Variants in WASL observed in about 807,000 individuals in gnomAD.
WASL encodes the protein WASP like actin nucleation promoting factor.
Under a neutral mutation model 55.5 loss-of-function variants are expected in WASL, and 20 were observed. The ratio of observed to expected loss-of-function variants is 0.36; its 90% CI spans 0.25 to 0.52. The LOEUF is 0.52. Among genes scored for constraint, WASL ranks in the 20% least tolerant of loss-of-function variants. The probability of loss-of-function intolerance (pLI) is 0.92; values close to 1 mark genes in which losing one functional copy is unlikely to be tolerated. For missense variants in WASL, 504 were observed against 622.5 expected (o/e 0.81, Z 2.03); for synonymous variants, 249 against 217.6 (o/e 1.14, Z -1.27).
intron 2 of WASL, among the ~76,000 whole-genome samples, chr7:123,707,796 T>C (rs1417372036): frequency 6.6e-6 from 1 of 152,184 alleles, no homozygotes; most frequent in African/African-American, 2.4e-5. Flanking sequence ...CCAGAATCAC[T>C]GCCATAGTTA....
At chr7:123,747,643 C>T (rs958993471) in intron 1 of WASL, among the ~76,000 whole-genome samples, 25 of 152,120 alleles carry the variant, frequency 1.6e-4, no homozygotes, top group Non-Finnish European at 2.9e-5. Context: ...TCTGCAGGTG[C>T]TAGCAAAGTG....
At chr7:123,700,889 T>C (rs1803578615) in intron 5 of WASL, among the ~76,000 whole-genome samples, 1 of 152,222 alleles carries the variant, frequency 6.6e-6, no homozygotes, top group Non-Finnish European at 1.5e-5. Context: ...AACAAATATT[T>C]ACTAACAACT....
At chr7:123,748,045 A>G (rs1162321146) in intron 1 of WASL, among the ~76,000 whole-genome samples, 1 of 151,866 alleles carries the variant, frequency 6.6e-6, no homozygotes, top group Non-Finnish European at 1.5e-5. Flanking sequence ...TAGAGAAATA[A>G]ATCTTGTTTC....
intron 5 of WASL, among the ~76,000 whole-genome samples, chr7:123,700,267 T>C (rs892984376): frequency 1.3e-5 from 2 of 149,218 alleles, no homozygotes; most frequent in Non-Finnish European, 3.0e-5. Flanking sequence ...TATAGAAAAT[T>C]AGTATTAGAT....
chr7:123,746,693 T>C (rs920838084), intron 1 of WASL, among the ~76,000 whole-genome samples: 1 of 152,248 alleles, frequency 6.6e-6, no homozygotes, highest in East Asian at 1.9e-4. Flanking sequence ...AAGCACTGAA[T>C]ACTGAGAGCC....
intron 9 of WASL, among the ~76,000 whole-genome samples, chr7:123,692,127 G>C (rs1213723946): frequency 6.6e-6 from 1 of 152,048 alleles, no homozygotes; most frequent in Non-Finnish European, 1.5e-5. Flanking sequence ...CCTACATTTG[G>C]ATATAGAGAT....
At chr7:123,730,024 T>A (rs76498261) in intron 1 of WASL, among the ~76,000 whole-genome samples, 4 of 152,224 alleles carry the variant, frequency 2.6e-5, no homozygotes, top group Non-Finnish European at 5.9e-5. Flanking sequence ...TCAGAAATCA[T>A]GCAAACAAGG....
intron 1 of WASL, among the ~76,000 whole-genome samples, chr7:123,748,417 G>C (rs1201251910): frequency 6.6e-6 from 1 of 151,908 alleles, no homozygotes; most frequent in Non-Finnish European, 1.5e-5. Flanking sequence ...CCAGCAGCTC[G>C]GGAAGGCGGC....
intron 9 of WASL, among the ~76,000 whole-genome samples, chr7:123,690,627 GGAAA>G (rs1803394720): frequency 1.7e-5 from 1 of 57,246 alleles, no homozygotes; most frequent in African/African-American, 5.6e-5. Flanking sequence ...TTTTTTTTTT[GGAAA>G]GAAAGGGAGA....
intron 2 of WASL, among the ~76,000 whole-genome samples, chr7:123,707,044 A>G (rs112117159): frequency 3.9e-5 from 6 of 152,298 alleles, no homozygotes; most frequent in African/African-American, 9.6e-5. Flanking sequence ...TAAAACCTAC[A>G]TATCAAGTCA....
chr7:123,744,074 T>C (rs1325327696), intron 1 of WASL, among the ~76,000 whole-genome samples: 1 of 152,226 alleles, frequency 6.6e-6, no homozygotes, highest in African/African-American at 2.4e-5. Flanking sequence ...CCACCAACAG[T>C]GCCTTACTCA....
intron 2 of WASL, 74 bp downstream of exon 2, chr7:123,709,015 A>G: frequency 7.2e-7 from 1 of 1,383,380 alleles, no homozygotes; most frequent in Non-Finnish European, 9.6e-7. Context: ...TAGGATAAAC[A>G]AATCTAAACT....
chr7:123,735,867 A>G (rs577883875), intron 1 of WASL, among the ~76,000 whole-genome samples: 2 of 152,284 alleles, frequency 1.3e-5, no homozygotes, highest in South Asian at 4.1e-4. Context: ...GGCCAGGGAA[A>G]GAGAAGTAGA....
chr7:123,717,131 T>C (rs1038614363), intron 1 of WASL, among the ~76,000 whole-genome samples: 1 of 151,272 alleles, frequency 6.6e-6, no homozygotes, highest in African/African-American at 2.4e-5. Flanking sequence ...GCAGGGAAAA[T>C]GGCAGGGAGG....
intron 1 of WASL, among the ~76,000 whole-genome samples, chr7:123,726,400 C>T (rs1295889743): frequency 6.6e-6 from 1 of 152,112 alleles, no homozygotes; most frequent in Non-Finnish European, 1.5e-5. Flanking sequence ...TCATAAACCT[C>T]AAGTTAGAAT....
chr7:123,695,890 T>C (rs776450429), intron 6 of WASL, 25 bp from the exon 7 acceptor site: 13 of 1,608,550 alleles, frequency 8.1e-6, no homozygotes, highest in East Asian at 4.5e-5. Context: ...AGAAAAAAAA[T>C]AGAAAAACAA....
intron 1 of WASL, among the ~76,000 whole-genome samples, chr7:123,717,094 T>C (rs1803857914): frequency 1.3e-5 from 2 of 152,070 alleles, no homozygotes; most frequent in Admixed American, 1.3e-4. Flanking sequence ...CGCCCCCTTT[T>C]GGTTTGTTTT....
chr7:123,724,527 T>C (rs916519778), intron 1 of WASL, among the ~76,000 whole-genome samples: 2 of 152,192 alleles, frequency 1.3e-5, no homozygotes, highest in African/African-American at 4.8e-5. Context: ...CATGTAGGGT[T>C]TGCTTCACCA....
At position 123,696,564 on chromosome 7, in the gene WASL, A is replaced by G; in HGVS notation, c.629+15T>C. On this transcript the variant is annotated intron_variant, in intron 6 of 10. Coordinates refer to ENST00000223023, the MANE Select transcript of WASL (RefSeq NM_003941.4). ...ATCAAAAGTGAAGATAAGAACAACAAAAGAACTGTCTTACTGGAAATTGCT... is the reference window on the plus strand; with the variant it reads ...ATCAAAAGTGAAGATAAGAACAACAGAAGAACTGTCTTACTGGAAATTGCT... The G allele has an allele frequency of 1.3e-6, 2 of 1,545,898 alleles. No homozygotes were observed. The highest frequency in any genetic ancestry group is 1.7e-6 in the Non-Finnish European group (2 of 1,150,672).
Sources: gnomAD v4.1 joint callset for allele counts (sites outside exome capture counted in the v4.1 genomes callset) on GRCh38, gnomAD v4.1.1 for gene constraint, MANE v1.5 for transcripts, NCBI Gene and HGNC (gene_info 2026-07-23, HGNC 2026-07-21) for gene names.